Variants in CAST observed in about 807,000 individuals in gnomAD.
CAST encodes calpastatin.
A neutral mutation model predicts 119.6 loss-of-function variants in CAST; 76 were observed. The ratio of observed to expected loss-of-function variants is 0.64; its 90% CI spans 0.53 to 0.77. CAST has a LOEUF of 0.77. Among genes scored for constraint, CAST ranks in the 30% least tolerant of loss-of-function variants. The pLI is 0.00. For missense variants in CAST, 953 were observed against 946.5 expected (o/e 1.01, Z -0.09); for synonymous variants, 319 against 331.6 (o/e 0.96, Z 0.41).
the CAST span, among the ~76,000 whole-genome samples, chr5:96,503,773 A>G: frequency 6.6e-6 from 1 of 152,122 alleles, no homozygotes; most frequent in Non-Finnish European, 1.5e-5. Flanking sequence ...CTTCCCCTCC[A>G]CCATGCTTTT....
the CAST span, among the ~76,000 whole-genome samples, chr5:96,091,914 G>T: frequency 6.6e-6 from 1 of 152,158 alleles, no homozygotes; most frequent in Non-Finnish European, 1.5e-5. Context: ...CTCAGTCAGG[G>T]TTAGTACCAA....
At chr5:96,610,811 T>G (rs1747346766) in intron 1 of CAST, among the ~76,000 whole-genome samples, 1 of 152,106 alleles carries the variant, frequency 6.6e-6, no homozygotes, top group South Asian at 2.1e-4. Context: ...GATAGAAAAC[T>G]TCAGTAAAGT....
At chr5:96,528,462 C>T (rs1745634094), upstream of CAST, among the ~76,000 whole-genome samples, 1 of 152,076 alleles carries the variant, frequency 6.6e-6, no homozygotes, top group Admixed American at 6.5e-5. Flanking sequence ...CAGAAGAAGG[C>T]CTTACAAGGT....
rs536714305 is a variant in CAST at position 96,549,052 on chromosome 5, G to T, written c.60+19172G>T. Among the ~76,000 whole-genome samples the T allele has an allele frequency of 7.2e-5, 11 of 152,310 alleles. No individual in the cohort carries two copies. In the East Asian group the frequency reaches 1.5e-3, roughly 21 times the overall value. On this transcript the variant is annotated intron_variant, in intron 1 of 11. Transcript: ENST00000505143. ...GCATCCTTACTATGGTGACCTTCCA[G>T]CACTCTCTACTGGCAAGCGAAAATC...
At chr5:96,361,272 G>A in the CAST span, among the ~76,000 whole-genome samples, 1 of 152,158 alleles carries the variant, frequency 6.6e-6, no homozygotes, top group Non-Finnish European at 1.5e-5. Context: ...TGGGCTCTGC[G>A]GGGGTGGGGT....
chr5:96,410,098 T>C, the CAST span, among the ~76,000 whole-genome samples: 89,683 of 151,944 alleles, frequency 0.59, 27,082 homozygotes, highest in Non-Finnish European at 0.66. Context: ...ATTAAAGGTG[T>C]CTCCCTTTGT....
intron 1 of CAST, among the ~76,000 whole-genome samples, chr5:96,674,177 T>C (rs1246170128): frequency 2.0e-5 from 3 of 152,176 alleles, no homozygotes; most frequent in Admixed American, 2.0e-4. Flanking sequence ...CCTTTTCCCA[T>C]TTACTAGTTA....
chr5:95,976,902 T>C, the CAST span, among the ~76,000 whole-genome samples: 2 of 152,182 alleles, frequency 1.3e-5, no homozygotes, highest in African/African-American at 4.8e-5. Flanking sequence ...TTGGCTGCCA[T>C]ATTTCCTCAA....
the CAST span, among the ~76,000 whole-genome samples, chr5:96,216,809 A>G: frequency 6.6e-6 from 1 of 152,168 alleles, no homozygotes; most frequent in Non-Finnish European, 1.5e-5. Flanking sequence ...AATGTTTGCC[A>G]AGTACCTAAG....
Position 96,631,779 on chromosome 5 carries a change from G to T in CAST, c.61-43760G>T, listed in dbSNP as rs142782637. 7.9e-5 allele frequency among the ~76,000 whole-genome samples: 12 copies of T among 152,134 alleles called. No homozygotes were observed. The East Asian group carries it at 2.3e-3, about 29-fold the overall frequency. The stretch of plus-strand genomic sequence containing the variant: ...GATATCCCGACCTCGTGATCCACCC[G>T]CCTCGGCCTCCCAAAGTGCTGGGAT... On this transcript the variant is annotated intron_variant, in intron 1 of 11. Coordinates refer to the CAST transcript ENST00000505143.
chr5:95,986,079 G>A, the CAST span, among the ~76,000 whole-genome samples: 2 of 152,212 alleles, frequency 1.3e-5, no homozygotes, highest in African/African-American at 4.8e-5. Context: ...AGAATGACTG[G>A]TGATTTTGTT....
At chr5:96,288,910 C>T in the CAST span, among the ~76,000 whole-genome samples, 6 of 152,062 alleles carry the variant, frequency 3.9e-5, 1 homozygote, top group South Asian at 1.2e-3. Flanking sequence ...ATGAAGGCTT[C>T]TGAGAGTTTC....
the CAST span, among the ~76,000 whole-genome samples, chr5:96,067,622 A>G: frequency 6.6e-6 from 1 of 152,178 alleles, no homozygotes; most frequent in Non-Finnish European, 1.5e-5. Flanking sequence ...AGATCCAGAG[A>G]CCTTCCACCT....
intron 1 of CAST, among the ~76,000 whole-genome samples, chr5:96,565,923 A>G (rs1270053248): frequency 6.6e-6 from 1 of 152,172 alleles, no homozygotes; most frequent in Non-Finnish European, 1.5e-5. Context: ...TATTATCGTG[A>G]CCCAGATATA....
the CAST span, among the ~76,000 whole-genome samples, chr5:95,979,547 G>C: frequency 6.6e-6 from 1 of 151,766 alleles, no homozygotes; most frequent in African/African-American, 2.4e-5. Context: ...AATTATTTAT[G>C]GGGAAGAGTT....
the CAST span, chr5:96,410,718 A>ACATGCAT: frequency 7.3e-7 from 1 of 1,379,176 alleles, no homozygotes; most frequent in Non-Finnish European, 1.0e-6. Flanking sequence ...GAATCATTTC[A>ACATGCAT]CATGCATGCC....
intron 20 of CAST, among the ~76,000 whole-genome samples, chr5:96,753,422 C>T (rs140822593): frequency 1.3e-5 from 2 of 152,308 alleles, no homozygotes; most frequent in African/African-American, 4.8e-5. Context: ...CTGTGTTCAC[C>T]AGTGTGATTT....
intron 1 of CAST, among the ~76,000 whole-genome samples, chr5:96,615,722 A>T (rs1747442468): frequency 1.3e-5 from 2 of 152,190 alleles, no homozygotes; most frequent in South Asian, 4.1e-4. Flanking sequence ...TTGCTGGGAA[A>T]GAGGGGTCCC....
intron 1 of CAST, among the ~76,000 whole-genome samples, chr5:96,628,818 C>T (rs954498975): frequency 6.6e-6 from 1 of 151,628 alleles, no homozygotes; most frequent in Non-Finnish European, 1.5e-5. Context: ...ACATAATCAA[C>T]GAGCAAATAT....
Sources: gnomAD v4.1 joint callset for allele counts (sites outside exome capture counted in the v4.1 genomes callset) on GRCh38, gnomAD v4.1.1 for gene constraint, MANE v1.5 for transcripts, NCBI Gene and HGNC (gene_info 2026-07-23, HGNC 2026-07-21) for gene names.